INPP4B: variants seen among roughly 807,000 people sequenced by gnomAD.
The protein encoded by INPP4B is inositol polyphosphate-4-phosphatase type II B.
A neutral mutation model predicts 122.5 loss-of-function variants in INPP4B; 55 were observed. The ratio of observed to expected loss-of-function variants is 0.45; its 90% confidence interval spans 0.36 to 0.56. The LOEUF is 0.56. Ranked by LOEUF, INPP4B falls within the 20% of genes least tolerant of loss-of-function variation. INPP4B has a pLI of 0.00. For missense variants in INPP4B, 1,000 were observed against 1,097.7 expected (o/e 0.91, Z 1.26); for synonymous variants, 403 against 388.7 (o/e 1.04, Z -0.43).
chr4:142,377,208 C>G (rs1792257415), intron 7 of INPP4B, among the ~76,000 whole-genome samples: 1 of 151,734 alleles, frequency 6.6e-6, no homozygotes, highest in Non-Finnish European at 1.5e-5. Context: ...AAACATTGGT[C>G]CATTTCACGA....
intron 25 of INPP4B, among the ~76,000 whole-genome samples, chr4:142,079,399 T>A (rs1772643506): frequency 6.6e-6 from 1 of 152,038 alleles, no homozygotes; most frequent in Non-Finnish European, 1.5e-5. Flanking sequence ...AGGGTGGGAC[T>A]TGCTAGATGG....
chr4:142,188,273 G>A (rs1579221143), intron 15 of INPP4B, among the ~76,000 whole-genome samples: 1 of 151,596 alleles, frequency 6.6e-6, no homozygotes, highest in South Asian at 2.1e-4. Flanking sequence ...GGATTACGAG[G>A]TCAGCAGATC....
intron 2 of INPP4B, among the ~76,000 whole-genome samples, chr4:142,696,956 G>A (rs1220990925): frequency 6.6e-6 from 1 of 152,186 alleles, no homozygotes; most frequent in Admixed American, 6.5e-5. Context: ...CACTGTATGT[G>A]TTTATTCTTA....
chr4:142,661,060 C>G (rs1168021829), intron 2 of INPP4B: 2 of 152,178 alleles, frequency 1.3e-5, no homozygotes, highest in East Asian at 3.9e-4. Flanking sequence ...GAAGTTCACA[C>G]GATTTGAAGC....
chr4:142,676,632 C>T (rs1757828138), intron 2 of INPP4B, among the ~76,000 whole-genome samples: 1 of 152,050 alleles, frequency 6.6e-6, no homozygotes. Context: ...GGTACTGGTA[C>T]CTAAACAGAT....
At chr4:142,444,020 G>A (rs1812389125) in intron 3 of INPP4B, among the ~76,000 whole-genome samples, 1 of 152,076 alleles carries the variant, frequency 6.6e-6, no homozygotes, top group Non-Finnish European at 1.5e-5. Context: ...AAACTCTAGT[G>A]GAAAAAGTGG....
intron 7 of INPP4B, among the ~76,000 whole-genome samples, chr4:142,363,814 A>T (rs1414445709): frequency 6.6e-6 from 1 of 152,074 alleles, no homozygotes; most frequent in East Asian, 1.9e-4. Context: ...GTCTTCCAAC[A>T]TCCATGAAAG....
At chr4:142,204,712 A>G (rs1841975246) in intron 14 of INPP4B, among the ~76,000 whole-genome samples, 1 of 152,060 alleles carries the variant, frequency 6.6e-6, no homozygotes, top group South Asian at 2.1e-4. Context: ...AGGGCAGGAG[A>G]ACACCATGAG....
At chr4:142,614,930 T>C (rs1743375201) in intron 2 of INPP4B, among the ~76,000 whole-genome samples, 1 of 152,138 alleles carries the variant, frequency 6.6e-6, no homozygotes, top group South Asian at 2.1e-4. Flanking sequence ...GGAATGCTTA[T>C]AGACTATTGG....
intron 7 of INPP4B, among the ~76,000 whole-genome samples, chr4:142,388,719 T>C (rs1404212737): frequency 6.6e-6 from 1 of 152,172 alleles, no homozygotes; most frequent in Non-Finnish European, 1.5e-5. Flanking sequence ...AATATACTTT[T>C]AGGGATGGGC....
intron 7 of INPP4B, among the ~76,000 whole-genome samples, chr4:142,395,428 T>C (rs6822835): frequency 2.0e-5 from 3 of 152,008 alleles, no homozygotes; most frequent in African/African-American, 7.2e-5. Flanking sequence ...AGTTTTTGTT[T>C]AACTCATCAG....
chr4:142,057,073 T>G (rs143183284), intron 25 of INPP4B, among the ~76,000 whole-genome samples: 39 of 152,208 alleles, frequency 2.6e-4, no homozygotes, highest in African/African-American at 7.9e-4. Context: ...TAGAGTATGG[T>G]ACTGTTTGTG....
At position 142,091,953 on chromosome 4, in the gene INPP4B, A is replaced by G. The variant is rs184775005; in HGVS notation, c.2375-5697T>C. Among the ~76,000 whole-genome samples, 211 of 152,328 alleles carry G rather than the reference A, an allele frequency of 1.4e-3. 1 individual carries two copies. Among genetic ancestry groups the G allele is most frequent in the African/African-American group, 4.7e-3 (196 of 41,580 alleles). On this transcript the variant is annotated intron_variant, in intron 23 of 25. Transcript: ENST00000262992. ...ACTCACTTCCCACACTAAGTGGCAG[A>G]TACAAAATTGCCATGGGATGCACCA...
At chr4:142,526,115 T>A (rs1446004187) in intron 2 of INPP4B, among the ~76,000 whole-genome samples, 1 of 152,074 alleles carries the variant, frequency 6.6e-6, no homozygotes, top group East Asian at 1.9e-4. Flanking sequence ...ATTTTAATAG[T>A]AGGAATCCCT....
intron 2 of INPP4B, among the ~76,000 whole-genome samples, chr4:142,510,000 C>G (rs1824508173): frequency 6.6e-6 from 1 of 152,140 alleles, no homozygotes; most frequent in South Asian, 2.1e-4. Flanking sequence ...CTAGGCCTAT[C>G]ATTTAATATT....
intron 2 of INPP4B, among the ~76,000 whole-genome samples, chr4:142,474,726 C>T (rs1819521122): frequency 6.6e-6 from 1 of 152,180 alleles, no homozygotes. Context: ...TCTATGTGAA[C>T]TCAGCCGGAG....
intron 23 of INPP4B, among the ~76,000 whole-genome samples, chr4:142,090,840 T>C (rs1197671791): frequency 6.6e-6 from 1 of 152,106 alleles, no homozygotes; most frequent in Non-Finnish European, 1.5e-5. Flanking sequence ...TAAACCAATA[T>C]ATTAATGCAA....
intron 2 of INPP4B, chr4:142,518,687 A>C (rs562856515): frequency 2.0e-5 from 3 of 152,302 alleles, no homozygotes; most frequent in African/African-American, 7.2e-5. Flanking sequence ...TTACTCTCTC[A>C]TATCATTCAC....
chr4:142,069,124 C>G (rs1208815521), intron 25 of INPP4B, among the ~76,000 whole-genome samples: 1 of 152,142 alleles, frequency 6.6e-6, no homozygotes, highest in Non-Finnish European at 1.5e-5. Flanking sequence ...GAAATTATAA[C>G]AAACTGTCTC....
Sources: allele counts gnomAD v4.1 joint callset (sites outside exome capture counted in the v4.1 genomes callset), GRCh38; gene constraint gnomAD v4.1.1; transcripts MANE v1.5; gene names NCBI Gene and HGNC (gene_info 2026-07-23, HGNC 2026-07-21).